EXOC3L2: variants seen among roughly 807,000 people sequenced by gnomAD.
The protein encoded by EXOC3L2 is exocyst complex component 3-like protein 2.
EXOC3L2 carries 17 observed loss-of-function variants against 44.4 expected under a neutral mutation model. The observed-to-expected ratio is 0.38, with a 90% CI of 0.26 to 0.57. The LOEUF is 0.57. EXOC3L2 is among the 20% of genes least tolerant of loss of function. The probability of loss-of-function intolerance (pLI) is 0.65; values close to 1 mark genes in which losing one functional copy is unlikely to be tolerated. For missense variants in EXOC3L2, 541 were observed against 588.4 expected, an observed-to-expected ratio of 0.92 and a Z score of 0.83; for synonymous variants, 256 against 253.7, an observed-to-expected ratio of 1.01 and a Z score of -0.09.
chr19:45,224,397 C>G (rs1187370354), intron 8 of EXOC3L2, among the ~76,000 whole-genome samples: 1 of 152,086 alleles, frequency 6.6e-6, no homozygotes, highest in Non-Finnish European at 1.5e-5. Flanking sequence ...TGCAGTCTCT[C>G]TCCTCAGTGC....
At chr19:45,230,629 G>T (rs1372936130) in intron 4 of EXOC3L2, among the ~76,000 whole-genome samples, 1 of 152,102 alleles carries the variant, frequency 6.6e-6, no homozygotes, top group Non-Finnish European at 1.5e-5. Flanking sequence ...GATTACAGGT[G>T]TGAGCCACCG....
intron 4 of EXOC3L2, among the ~76,000 whole-genome samples, chr19:45,230,585 G>T (rs1341068784): frequency 6.6e-6 from 1 of 152,056 alleles, no homozygotes; most frequent in East Asian, 1.9e-4. Context: ...CTGGCCTCAA[G>T]AAATCCTCCC....
intron 10 of EXOC3L2, 64 bp from the exon 11 acceptor site, chr19:45,216,258 T>A: frequency 6.3e-7 from 1 of 1,580,878 alleles, no homozygotes; most frequent in Non-Finnish European, 8.6e-7. Flanking sequence ...TTCCTGCCCC[T>A]CCTGGCTTGT....
Position 45,238,827 on chromosome 19 carries a change from C to G in EXOC3L2, c.219G>C (p.Pro73=). Reference sequence around the variant, plus strand: ...CCCCAGGGCTGCCTGCCCGCCGGCCCGGGGCCCAGCCCAGCCGGAAGGGGG... The same window carrying G: ...CCCCAGGGCTGCCTGCCCGCCGGCCGGGGGCCCAGCCCAGCCGGAAGGGGG... ...GLAPFRLGWA[P]GRRAGSPGDG... Residue 73 remains proline (P), a synonymous_variant, in exon 2 of 12, where the codon CCG becomes CCC. Coordinates refer to ENST00000413988, the MANE Select transcript of EXOC3L2 (RefSeq NM_001382422.1). This position sits in a 1 kb window ranked among gnomAD's most constrained non-coding sequence, Gnocchi z 5.5. The G allele has an allele frequency of 2.5e-6, 1 of 398,950 alleles. No homozygotes were observed. The highest frequency in any genetic ancestry group is 6.3e-4 in the Middle Eastern group (1 of 1,592). 24.7% of individuals were successfully genotyped at this position (398,950 alleles called of 1,614,324 possible).
Position 45,218,322 on chromosome 19 carries a change from G to T in EXOC3L2, c.1720-3C>A. 6.3e-7 allele frequency: 1 copy of T among 1,599,506 alleles called. No individual in the cohort carries two copies. Among genetic ancestry groups the T allele is most frequent in the Non-Finnish European group, 8.5e-7 (1 of 1,172,642 alleles). ...CGCATCAGCTTGTTGAAGTGTGGCTGGCAGGGACAGAGTAGGGGGTCACGC... is the reference window on the plus strand; with the variant it reads ...CGCATCAGCTTGTTGAAGTGTGGCTTGCAGGGACAGAGTAGGGGGTCACGC... On this transcript the variant is annotated splice_region_variant and splice_polypyrimidine_tract_variant and intron_variant, in intron 8 of 11. Transcript: ENST00000413988.
intron 11 of EXOC3L2, among the ~76,000 whole-genome samples, chr19:45,213,628 C>T (rs531677604): frequency 4.6e-5 from 7 of 152,218 alleles, no homozygotes; most frequent in African/African-American, 1.7e-4. Flanking sequence ...CCTTTTCACC[C>T]CAAGCCTCAG....
chr19:45,239,759 A>G (rs1311985089), intron 1 of EXOC3L2, among the ~76,000 whole-genome samples: 1 of 151,860 alleles, frequency 6.6e-6, no homozygotes, highest in African/African-American at 2.4e-5. Context: ...GACTCAGGCG[A>G]TCCACCTACT....
chr19:45,216,061 G>GGGGTGTCTCACCTGATGTCT lies in EXOC3L2; in HGVS notation c.2112_2120+11dup. The GGGGTGTCTCACCTGATGTCT allele has an allele frequency of 6.2e-7, 1 of 1,613,180 alleles. No homozygotes were observed. The highest frequency in any genetic ancestry group is 8.5e-7 in the Non-Finnish European group (1 of 1,179,592). ...AGGCACGGCGAGCCCTGGCCCAGGCGGGGTGTCTCACCTGATGTCTGGGTA... is the reference window on the plus strand; with the variant it reads ...AGGCACGGCGAGCCCTGGCCCAGGCGGGGTGTCTCACCTGATGTCTGGGTGTCTCACCTGATGTCTGGGTA... On this transcript the variant is annotated intron_variant, in intron 11 of 11. Coordinates refer to ENST00000413988, the MANE Select transcript of EXOC3L2 (RefSeq NM_001382422.1).
At chr19:45,225,966 G>T (rs995053423) in intron 7 of EXOC3L2, among the ~76,000 whole-genome samples, 4 of 152,188 alleles carry the variant, frequency 2.6e-5, no homozygotes, top group African/African-American at 9.7e-5. Context: ...ACAAATGGTA[G>T]AATAGTATAC....
chr19:45,225,737 C>T (rs895855144), intron 7 of EXOC3L2, among the ~76,000 whole-genome samples: 4 of 151,776 alleles, frequency 2.6e-5, no homozygotes, highest in Non-Finnish European at 5.9e-5. Flanking sequence ...AGTCTCCTGC[C>T]TCAGTCTCCC....
intron 8 of EXOC3L2, among the ~76,000 whole-genome samples, chr19:45,219,025 G>A (rs903706588): frequency 6.6e-5 from 10 of 152,036 alleles, no homozygotes; most frequent in African/African-American, 2.4e-4. Flanking sequence ...GATCACCTAA[G>A]GTCAGGAGTT....
rs1568482774 is a variant in EXOC3L2, at chr19:45,229,249, T to TACATATATTTATGTATTAAATATAA, written c.1270-984_1270-983insTTATATTTAATACATAAATATATGT. ...TACATATATTTATGTATTAAATATA[T>TACATATATTTATGTATTAAATATAA]ACATATATTTATGTATTAAATATAT... On this transcript the variant is annotated intron_variant, in intron 4 of 11. Transcript: ENST00000413988. 8.2e-5 allele frequency among the ~76,000 whole-genome samples: 10 copies of TACATATATTTATGTATTAAATATAA among 122,112 alleles called. No individual in the cohort carries two copies. In the South Asian group the frequency reaches 2.4e-3, roughly 30 times the overall value. The allele number at this position is 122,112 out of a possible 152,430, so 80.1% of individuals were successfully genotyped here.
intron 2 of EXOC3L2, among the ~76,000 whole-genome samples, chr19:45,236,617 G>T (rs1970086684): frequency 6.6e-6 from 1 of 151,964 alleles, no homozygotes; most frequent in African/African-American, 2.4e-5. Flanking sequence ...GGTGAAGATA[G>T]ATTAGGGATG....
intron 2 of EXOC3L2, among the ~76,000 whole-genome samples, chr19:45,235,261 C>T (rs1970072315): frequency 6.6e-6 from 1 of 152,070 alleles, no homozygotes; most frequent in Non-Finnish European, 1.5e-5. Flanking sequence ...CGCCACTGCA[C>T]CCCAGCCTGG....
intron 4 of EXOC3L2, among the ~76,000 whole-genome samples, chr19:45,229,856 T>TATGTGTACATTAATGTACAC (rs1970011111): frequency 6.8e-6 from 1 of 147,688 alleles, no homozygotes; most frequent in African/African-American, 2.5e-5. Flanking sequence ...AAAATATATA[T>TATGTGTACATTAATGTACAC]ATGTGTACAT....
At chr19:45,241,615 C>T (rs1434364215) in intron 1 of EXOC3L2, among the ~76,000 whole-genome samples, 4 of 152,188 alleles carry the variant, frequency 2.6e-5, no homozygotes, top group Non-Finnish European at 2.9e-5. Context: ...CAGCTGCACA[C>T]GTCACTAGTG....
At chr19:45,226,151 C>T (rs1969957866) in intron 7 of EXOC3L2, among the ~76,000 whole-genome samples, 1 of 152,148 alleles carries the variant, frequency 6.6e-6, no homozygotes, top group Admixed American at 6.6e-5. Context: ...AGGAACCCTG[C>T]ACATATGTCA....
intron 10 of EXOC3L2, chr19:45,216,629 T>C (rs1408192223): frequency 1.3e-5 from 2 of 153,812 alleles, no homozygotes; most frequent in African/African-American, 4.8e-5. Flanking sequence ...GCAGAAGACA[T>C]ACTATGGCCA....
In EXOC3L2 at chr19:45,227,056, ATC is replaced by A. The variant is rs199948139; in HGVS notation, c.1583+604_1583+605del. Among the ~76,000 whole-genome samples, 4 of 145,202 alleles carry A rather than the reference ATC, an allele frequency of 2.8e-5. No individual in the cohort carries two copies. The East Asian group carries it at 6.2e-4, about 22-fold the overall frequency. The stretch of plus-strand genomic sequence containing the variant: ...GTGTGAGCCACGATGCCTGGCCCCC[ATC>A]TCTCTCTCTTTTTTTTTAGTTAAAC... On this transcript the variant is annotated intron_variant, in intron 7 of 11. Coordinates refer to ENST00000413988, the MANE Select transcript of EXOC3L2 (RefSeq NM_001382422.1).
Sources: allele counts gnomAD v4.1 joint callset (sites outside exome capture counted in the v4.1 genomes callset), GRCh38; gene constraint gnomAD v4.1.1; non-coding constraint Gnocchi (gnomAD v3.1); transcripts MANE v1.5; gene names NCBI Gene and HGNC (gene_info 2026-07-23, HGNC 2026-07-21).